The following NTRK1 variants were observed in gnomAD, a reference collection of about 807,000 sequenced individuals.
NTRK1 encodes the protein high affinity nerve growth factor receptor.
In NTRK1, 62 loss-of-function variants were observed where a neutral mutation model predicts 86.8. That is an observed-to-expected ratio of 0.71 (90% CI 0.58 to 0.88). NTRK1 has a LOEUF of 0.88. Among genes scored for constraint, NTRK1 ranks in the 40% least tolerant of loss-of-function variants. The pLI is 0.00. For missense variants in NTRK1, 967 were observed against 1,078.4 expected (o/e 0.90, Z 1.45); for synonymous variants, 469 against 456.6 (o/e 1.03, Z -0.35).
In NTRK1 at chr1:156,873,821, C is replaced by G. The variant is rs561243137; in HGVS notation, c.1039C>G (p.Arg347Gly). The change falls in exon 8 of 17, where the codon CGC (arginine) becomes GGC (glycine). Residue 347 changes from arginine to glycine, a missense_variant. By Grantham distance (125) the Arg-to-Gly change is moderately radical. Coordinates refer to ENST00000524377, the MANE Select transcript of NTRK1 (RefSeq NM_002529.4). ...ANETVRHGCL[R>G]LNQPTHVNNG... ...TGAGACCGTGCGGCACGGGTGTCTG[C>G]GCCTCAACCAGCCCACCCACGTCAA... 12 of 1,612,020 alleles carry G rather than the reference C, an allele frequency of 7.4e-6. No homozygotes were observed. Among genetic ancestry groups the G allele is most frequent in the African/African-American group, 2.7e-5 (2 of 74,880 alleles).
At chr1:156,860,205 C>T (rs1475913191), upstream of NTRK1, among the ~76,000 whole-genome samples, 2 of 152,162 alleles carry the variant, frequency 1.3e-5, no homozygotes, top group African/African-American at 4.8e-5. Flanking sequence ...GCAGATCGCA[C>T]CCCCAGGCAC....
chr1:156,815,986 C>T (rs149790796), intron 1 of NTRK1: 3 of 1,611,968 alleles, frequency 1.9e-6, no homozygotes, highest in African/African-American at 1.3e-5. Context: ...ACCACGCTGC[C>T]GCCCCAGGTT....
At chr1:156,849,443 A>G in intron 2 of NTRK1, 1 of 1,555,718 alleles carries the variant, frequency 6.4e-7, no homozygotes, top group South Asian at 1.1e-5. Flanking sequence ...GTTGTCCAGC[A>G]CGTAGAGAGT....
At position 156,845,358 on chromosome 1, in the gene NTRK1, C is replaced by T. The variant is rs750243910; in HGVS notation, c.50+3165C>T. Reference sequence around the variant, plus strand: ...AAAGCCACGCCCCTCAGCACCTGCCCTAGTCCTGCTCACCTTTGGGGGCTC... The same window carrying T: ...AAAGCCACGCCCCTCAGCACCTGCCTTAGTCCTGCTCACCTTTGGGGGCTC... On this transcript the variant is annotated intron_variant, in intron 2 of 16. Coordinates refer to the NTRK1 transcript ENST00000392302. 7.5e-6 allele frequency: 12 copies of T among 1,596,976 alleles called. No homozygotes were observed. In the Admixed American group the frequency reaches 1.9e-4, roughly 25 times the overall value.
Position 156,833,557 on chromosome 1 carries a change from C to CAA in NTRK1, c.-63-8519_-63-8518dup, listed in dbSNP as rs72354744. On this transcript the variant is annotated intron_variant, in intron 1 of 16. Coordinates refer to the NTRK1 transcript ENST00000392302. ...GGGCGATAAGAGCGAGACTCCGTCTCAAAAAATAAACAAAAAAAAGGTGTA... is the reference window on the plus strand; with the variant it reads ...GGGCGATAAGAGCGAGACTCCGTCTCAAAAAAAATAAACAAAAAAAAGGTGTA... 4.9e-3 allele frequency among the ~76,000 whole-genome samples: 723 copies of CAA among 147,962 alleles called. 5 individuals carry two copies. The highest frequency in any genetic ancestry group is 0.013 in the East Asian group (66 of 5,030).
chr1:156,876,879 G>T (rs1367715264), intron 14 of NTRK1, among the ~76,000 whole-genome samples: 1 of 152,230 alleles, frequency 6.6e-6, no homozygotes, highest in Non-Finnish European at 1.5e-5. Flanking sequence ...GGCACACAAA[G>T]GCCAGGCCTG....
At chr1:156,845,585 T>TC (rs1267869816) in intron 2 of NTRK1, 4 of 788,838 alleles carry the variant, frequency 5.1e-6, no homozygotes, top group Non-Finnish European at 7.3e-6. Context: ...GCCCCACTCA[T>TC]CAGACCCTCC....
At chr1:156,863,686 C>CTG (rs924085789) in intron 1 of NTRK1, among the ~76,000 whole-genome samples, 11 of 149,606 alleles carry the variant, frequency 7.4e-5, no homozygotes, top group Admixed American at 4.6e-4. Context: ...GTGTGTATGT[C>CTG]TGTGTGTGTG....
intron 12 of NTRK1, 81 bp from the exon 13 acceptor site, chr1:156,875,999 C>T (rs921220909): frequency 3.5e-5 from 56 of 1,603,364 alleles, no homozygotes; most frequent in Non-Finnish European, 4.1e-5. Context: ...GTGCAGCACA[C>T]AGCCCTGCCA....
chr1:156,876,351 G>T (rs1647907036), intron 13 of NTRK1, 49 bp from the exon 14 acceptor site: 1 of 1,612,428 alleles, frequency 6.2e-7, no homozygotes, highest in African/African-American at 1.3e-5. Flanking sequence ...GTGAACAGCA[G>T]TGAGGGCTCG....
At chr1:156,867,273 C>A (rs1361049968) in intron 4 of NTRK1, among the ~76,000 whole-genome samples, 1 of 152,226 alleles carries the variant, frequency 6.6e-6, no homozygotes, top group Admixed American at 6.5e-5. Context: ...TCCCAGGGCA[C>A]CCTGCACAGG....
chr1:156,845,111 G>GCGCTGCAGCCCACGGTGTGCGC (rs1198783537), intron 2 of NTRK1: 1 of 1,611,098 alleles, frequency 6.2e-7, no homozygotes, highest in Admixed American at 1.7e-5. Flanking sequence ...GAAGGTGGCG[G>GCGCTGCAGCCCACGGTGTGCGC]CGCTGCAGCC....
At chr1:156,855,176 T>TTATCTATCTATA (rs1655363579) in intron 2 of NTRK1, among the ~76,000 whole-genome samples, 1 of 143,462 alleles carries the variant, frequency 7.0e-6, no homozygotes, top group South Asian at 2.4e-4. Flanking sequence ...CCATCCAATT[T>TTATCTATCTATA]TATCTATCTA....
At chr1:156,843,333 G>GCTAT in intron 2 of NTRK1, 8 of 1,563,362 alleles carry the variant, frequency 5.1e-6, no homozygotes, top group Non-Finnish European at 7.1e-6. Context: ...TTGTCCCAAG[G>GCTAT]CTATCTTCTG....
In NTRK1 at chr1:156,836,784, A is replaced by ACTGAATGAGGAGCATATTTCACAGGG. The variant is rs1558080348; in HGVS notation, c.-63-5253_-63-5228dup. Among the ~76,000 whole-genome samples, 10 of 27,868 alleles carry ACTGAATGAGGAGCATATTTCACAGGG rather than the reference A, an allele frequency of 3.6e-4. 1 individual carries two copies. Among genetic ancestry groups the ACTGAATGAGGAGCATATTTCACAGGG allele is most frequent in the Non-Finnish European group, 9.3e-4 (6 of 6,454 alleles). The allele number at this position is 27,868 out of a possible 152,430, so 18.3% of individuals were successfully genotyped here. A position where few individuals can be genotyped will look rare whatever the true frequency, so the allele number is the denominator to read the frequency against. ...CTGAATGAGGAGCATATTTCACAGG[A>ACTGAATGAGGAGCATATTTCACAGGG]CTGAATGAGGAGCATATTTCACAGG... On this transcript the variant is annotated intron_variant, in intron 1 of 16. Transcript: ENST00000392302.
chr1:156,823,550 T>C (rs1473537480), intron 1 of NTRK1, among the ~76,000 whole-genome samples: 1 of 152,206 alleles, frequency 6.6e-6, no homozygotes, highest in Non-Finnish European at 1.5e-5. Flanking sequence ...AGGGTGCTGC[T>C]GGAGTTTGTA....
chr1:156,846,733 G>A (rs757157331), intron 2 of NTRK1: 11 of 1,613,904 alleles, frequency 6.8e-6, no homozygotes, highest in African/African-American at 1.3e-5. Flanking sequence ...CTGGACCCAC[G>A]TGCTCTGTGG....
chr1:156,842,516 A>G, intron 2 of NTRK1: 1 of 1,607,810 alleles, frequency 6.2e-7, no homozygotes, highest in Non-Finnish European at 8.5e-7. Flanking sequence ...CACCTGGGAC[A>G]GACAAAGGGC....
At chr1:156,826,684 C>G (rs1473894914) in intron 1 of NTRK1, among the ~76,000 whole-genome samples, 3 of 152,192 alleles carry the variant, frequency 2.0e-5, no homozygotes, top group African/African-American at 7.2e-5. Flanking sequence ...TTCTAACCAC[C>G]AGCCCAAACC....
Sources: allele counts gnomAD v4.1 joint callset (sites outside exome capture counted in the v4.1 genomes callset), GRCh38; gene constraint gnomAD v4.1.1; transcripts MANE v1.5; gene names NCBI Gene and HGNC (gene_info 2026-07-23, HGNC 2026-07-21).